The following PLEKHH2 variants were observed in gnomAD, a reference collection of about 807,000 sequenced individuals.
The protein encoded by PLEKHH2 is pleckstrin homology, MyTH4 and FERM domain containing H2.
PLEKHH2 carries 129 observed loss-of-function variants against 187.9 expected under a neutral mutation model. The ratio of observed to expected loss-of-function variants is 0.69; its 90% CI spans 0.59 to 0.79. The LOEUF (loss-of-function observed/expected upper bound fraction) is 0.79, where lower values mean the gene tolerates loss of function less well. Among genes scored for constraint, PLEKHH2 ranks in the 30% least tolerant of loss-of-function variants. The probability of loss-of-function intolerance (pLI) is 0.00; values close to 1 mark genes in which losing one functional copy is unlikely to be tolerated. For missense variants in PLEKHH2, 2,076 were observed against 1,751.2 expected, an observed-to-expected ratio of 1.19 and a Z score of -3.31; for synonymous variants, 686 against 605.6, an observed-to-expected ratio of 1.13 and a Z score of -1.95.
At chr2:43,710,783 C>G in intron 14 of PLEKHH2, 1 of 1,331,872 alleles carries the variant, frequency 7.5e-7, no homozygotes, top group Non-Finnish European at 9.7e-7. Context: ...GTAACTCCCA[C>G]CACACTTTAC....
chr2:43,680,131 A>G (rs1332637730), intron 3 of PLEKHH2, among the ~76,000 whole-genome samples: 1 of 152,230 alleles, frequency 6.6e-6, no homozygotes, highest in Non-Finnish European at 1.5e-5. Context: ...GATCTCAGTC[A>G]TATTCAGTTT....
chr2:43,760,472 C>T (rs1040348008), intron 27 of PLEKHH2, among the ~76,000 whole-genome samples: 2 of 149,156 alleles, frequency 1.3e-5, no homozygotes, highest in South Asian at 4.2e-4. Flanking sequence ...AAGCGATTCT[C>T]ACGCTTCAGC....
At chr2:43,749,343 T>G (rs1429738075) in intron 24 of PLEKHH2, among the ~76,000 whole-genome samples, 3 of 152,176 alleles carry the variant, frequency 2.0e-5, no homozygotes, top group African/African-American at 7.2e-5. Context: ...CAAGTTGTTC[T>G]GCCTTCCTAG....
chr2:43,729,202 A>G (rs1429592804), intron 17 of PLEKHH2, among the ~76,000 whole-genome samples: 1 of 152,226 alleles, frequency 6.6e-6, no homozygotes, highest in Non-Finnish European at 1.5e-5. Context: ...CATAGAGAAA[A>G]AAAGACCAGG....
intron 4 of PLEKHH2, 42 bp downstream of exon 4, chr2:43,692,705 AT>A: frequency 1.3e-6 from 2 of 1,564,734 alleles, no homozygotes; most frequent in South Asian, 2.4e-5. Flanking sequence ...GTGTGCACTC[AT>A]TTGTGCATAA....
chr2:43,651,117 A>T (rs2104348453), intron 2 of PLEKHH2, among the ~76,000 whole-genome samples: 1 of 151,926 alleles, frequency 6.6e-6, no homozygotes, highest in Non-Finnish European at 1.5e-5. Flanking sequence ...GTTTATCCTC[A>T]CAACATAATT....
At chr2:43,759,410 T>G (rs1370249881) in intron 27 of PLEKHH2, among the ~76,000 whole-genome samples, 2 of 152,250 alleles carry the variant, frequency 1.3e-5, no homozygotes, top group Non-Finnish European at 2.9e-5. Flanking sequence ...AACCTATTGT[T>G]TCAGATGGAT....
chr2:43,681,285 G>T (rs901724001), intron 3 of PLEKHH2: 1 of 721,112 alleles, frequency 1.4e-6, no homozygotes, highest in East Asian at 2.5e-5. Context: ...ATGCCATGCT[G>T]GCTGACTGTA....
chr2:43,754,839 G>A (rs889738057), intron 25 of PLEKHH2, among the ~76,000 whole-genome samples: 1 of 141,296 alleles, frequency 7.1e-6, no homozygotes, highest in Non-Finnish European at 1.5e-5. Context: ...TCTTCAGTTC[G>A]TAGTTTTTTT....
intron 3 of PLEKHH2, chr2:43,681,693 G>A (rs1263641180): frequency 3.7e-6 from 2 of 541,400 alleles, no homozygotes; most frequent in Non-Finnish European, 3.2e-6. Flanking sequence ...TACTCCATCA[G>A]GCCACTGAGG....
chr2:43,697,135 A>G, intron 6 of PLEKHH2, 36 bp from the exon 7 acceptor site: 1 of 1,498,806 alleles, frequency 6.7e-7, no homozygotes, highest in Non-Finnish European at 9.0e-7. Context: ...CTTCTATAAA[A>G]AATTCAAATC....
At position 43,707,426 on chromosome 2, in the gene PLEKHH2, C is replaced by G; in HGVS notation, c.1847C>G (p.Pro616Arg). Reference sequence around the variant, plus strand: ...AAGGCGACCCAAATAAGTAGCAGCCCTTTCCTGGATGACTCATCTGGGTCA... The same window carrying G: ...AAGGCGACCCAAATAAGTAGCAGCCGTTTCCTGGATGACTCATCTGGGTCA... ...KGKATQISSS[P>R]FLDDSSGSEE... is the part of the protein sequence containing the mutation. Residue 616 changes from proline (P) to arginine (R), a missense_variant, in exon 11 of 30, where the codon CCT becomes CGT. Pro to Arg is a moderately radical substitution (Grantham distance 103). Transcript: ENST00000282406. 1.9e-6 allele frequency: 3 copies of G among 1,613,992 alleles called. No individual in the cohort carries two copies. Among genetic ancestry groups the G allele is most frequent in the Non-Finnish European group, 2.5e-6 (3 of 1,179,984 alleles).
chr2:43,653,562 C>T (rs114065399), intron 2 of PLEKHH2, among the ~76,000 whole-genome samples: 2 of 152,224 alleles, frequency 1.3e-5, no homozygotes, highest in East Asian at 1.9e-4. Flanking sequence ...AAACCAAGAA[C>T]GAGGAAGGCA....
At position 43,738,399 on chromosome 2, in the gene PLEKHH2, C is replaced by A. The variant is rs1203861101; in HGVS notation, c.3002C>A (p.Ser1001Tyr). 1 of 1,614,026 alleles carries A rather than the reference C, an allele frequency of 6.2e-7. No individual in the cohort carries two copies. Among genetic ancestry groups the A allele is most frequent in the South Asian group, 1.1e-5 (1 of 91,068 alleles). Residue 1001 changes from serine (S) to tyrosine (Y), a missense_variant, in exon 20 of 30, where the codon TCT (serine) becomes TAT (tyrosine). Physicochemically the swap from Ser to Tyr is moderately radical, Grantham distance 144. Transcript: ENST00000282406. ...TCTCCTGCAATTGATTACCACATATCTTTAGCCCAGAGTGCTTTGCAAATC... is the reference window on the plus strand; with the variant it reads ...TCTCCTGCAATTGATTACCACATATATTTAGCCCAGAGTGCTTTGCAAATC... The part of the protein sequence containing the change: ...VDSPAIDYHI[S>Y]LAQSALQICL...
rs1393735382 is a variant in PLEKHH2, at chr2:43,700,346, T to G, written c.1388T>G (p.Leu463Ter). The change falls in exon 8 of 30, where the codon TTA (leucine) becomes TGA (stop). Residue 463 changes from leucine to a stop codon, truncating the protein, a stop_gained. Transcript: ENST00000282406. LOFTEE classifies it high-confidence loss of function. ...LAKRHLSQPQ[L>*]SSDRMFGTNR... is the part of the protein sequence containing the mutation. ...AAAAGGCACTTAAGCCAGCCACAGT[T>G]AAGCTCTGACAGGATGTTTGGTACA... 8 of 1,614,074 alleles carry G rather than the reference T, an allele frequency of 5.0e-6. No individual in the cohort carries two copies. The highest frequency in any genetic ancestry group is 4.0e-5 in the African/African-American group (3 of 74,928).
intron 2 of PLEKHH2, among the ~76,000 whole-genome samples, chr2:43,652,795 A>G (rs189895883): frequency 6.6e-6 from 1 of 152,354 alleles, no homozygotes; most frequent in Non-Finnish European, 1.5e-5. Context: ...CAATCAGAAA[A>G]AACCAGCATT....
At chr2:43,651,949 A>T (rs1666495405) in intron 2 of PLEKHH2, among the ~76,000 whole-genome samples, 1 of 152,070 alleles carries the variant, frequency 6.6e-6, no homozygotes, top group African/African-American at 2.4e-5. Context: ...CTTTTCTCAA[A>T]TGTCTGATGA....
chr2:43,701,505 G>A (rs1197108139), intron 8 of PLEKHH2, among the ~76,000 whole-genome samples: 1 of 152,168 alleles, frequency 6.6e-6, no homozygotes, highest in Non-Finnish European at 1.5e-5. Flanking sequence ...TATTTTGGGT[G>A]AATTCTGAAC....
chr2:43,653,848 A>G (rs1666608554), intron 2 of PLEKHH2, among the ~76,000 whole-genome samples: 1 of 152,260 alleles, frequency 6.6e-6, no homozygotes, highest in South Asian at 2.1e-4. Flanking sequence ...ACAGGAAAGG[A>G]AAAAGTAAAC....
Sources: allele counts gnomAD v4.1 joint callset (sites outside exome capture counted in the v4.1 genomes callset), GRCh38; gene constraint gnomAD v4.1.1; transcripts MANE v1.5; gene names NCBI Gene and HGNC (gene_info 2026-07-23, HGNC 2026-07-21).